Variants in CPNE4 observed in about 807,000 individuals in gnomAD.
CPNE4 encodes copine-4.
A neutral mutation model predicts 67.9 loss-of-function variants in CPNE4; 25 were observed. The ratio of observed to expected loss-of-function variants is 0.37; its 90% CI spans 0.27 to 0.51. CPNE4 has a LOEUF of 0.51. Ranked by LOEUF, CPNE4 falls within the 20% of genes least tolerant of loss-of-function variation. CPNE4 has a pLI of 0.93. For synonymous variants in CPNE4, 242 were observed against 244.9 expected (o/e 0.99, Z 0.11); for missense variants, 464 against 690.8 (o/e 0.67, Z 3.68).
chr3:131,844,622 T>C (rs796099661), intron 2 of CPNE4, among the ~76,000 whole-genome samples: 28 of 152,318 alleles, frequency 1.8e-4, no homozygotes, highest in African/African-American at 6.7e-4. Context: ...CACCAGACTG[T>C]GAGCTCCTTG....
intron 2 of CPNE4, among the ~76,000 whole-genome samples, chr3:131,739,030 T>G (rs1400113384): frequency 1.3e-5 from 2 of 152,034 alleles, no homozygotes; most frequent in Admixed American, 1.3e-4. Context: ...AATTTTTGTA[T>G]TTTTAGTAGA....
At chr3:131,672,688 T>C (rs1453236172) in intron 6 of CPNE4, among the ~76,000 whole-genome samples, 1 of 151,722 alleles carries the variant, frequency 6.6e-6, no homozygotes, top group Admixed American at 6.6e-5. Flanking sequence ...AATTATTAGA[T>C]TTTTTTTCTC....
At chr3:131,937,531 T>G (rs2071259162) in intron 1 of CPNE4, among the ~76,000 whole-genome samples, 1 of 152,168 alleles carries the variant, frequency 6.6e-6, no homozygotes, top group South Asian at 2.1e-4. Context: ...AGGACAATTA[T>G]GAGATGACTG....
At chr3:131,754,173 T>C (rs2082698487) in intron 2 of CPNE4, among the ~76,000 whole-genome samples, 1 of 152,060 alleles carries the variant, frequency 6.6e-6, no homozygotes, top group Non-Finnish European at 1.5e-5. Context: ...AAAAGCAAGG[T>C]ATAAGAAATG....
At chr3:131,736,980 TAA>T in intron 2 of CPNE4, among the ~76,000 whole-genome samples, 1 of 152,180 alleles carries the variant, frequency 6.6e-6, no homozygotes, top group Non-Finnish European at 1.5e-5. Flanking sequence ...GAAATTACCC[TAA>T]GACTGTCACA....
intron 1 of CPNE4, among the ~76,000 whole-genome samples, chr3:132,022,231 G>A (rs1462558834): frequency 6.6e-6 from 1 of 152,198 alleles, no homozygotes; most frequent in African/African-American, 2.4e-5. Context: ...TATCTTCCCT[G>A]TTTGTGCCTG....
intron 3 of CPNE4, among the ~76,000 whole-genome samples, chr3:131,710,227 A>T (rs993374582): frequency 6.6e-5 from 10 of 152,212 alleles, no homozygotes; most frequent in African/African-American, 2.4e-4. Flanking sequence ...TTTTCAGATT[A>T]TTGTTACCCT....
At chr3:131,726,441 C>T (rs921548157) in intron 2 of CPNE4, among the ~76,000 whole-genome samples, 5 of 152,062 alleles carry the variant, frequency 3.3e-5, no homozygotes, top group Non-Finnish European at 7.4e-5. Flanking sequence ...CAGAAAGCCA[C>T]TAAGAATCCT....
At chr3:131,888,209 G>T (rs2087970182) in intron 2 of CPNE4, among the ~76,000 whole-genome samples, 1 of 152,068 alleles carries the variant, frequency 6.6e-6, no homozygotes, top group Non-Finnish European at 1.5e-5. Flanking sequence ...AGTAGTAATT[G>T]GAAGAAACTA....
intron 1 of CPNE4, among the ~76,000 whole-genome samples, chr3:131,970,129 T>G (rs756717151): frequency 6.6e-6 from 1 of 152,212 alleles, no homozygotes; most frequent in Admixed American, 6.5e-5. Context: ...AGTCATCTGT[T>G]TCACTTTGAG....
chr3:131,536,477 G>C (rs1256249107), intron 15 of CPNE4, among the ~76,000 whole-genome samples: 3 of 152,222 alleles, frequency 2.0e-5, no homozygotes, highest in Non-Finnish European at 4.4e-5. Context: ...ACAAGTGTTT[G>C]AGATTCCAAA....
intron 4 of CPNE4, 67 bp from the exon 5 acceptor site, chr3:131,696,683 A>C (rs935254762): frequency 2.8e-6 from 4 of 1,427,462 alleles, no homozygotes; most frequent in Admixed American, 1.7e-5. Context: ...CCCATGAGCA[A>C]ATTTAGTTCC....
chr3:131,586,341 G>A (rs936637924), intron 8 of CPNE4, among the ~76,000 whole-genome samples: 1 of 152,122 alleles, frequency 6.6e-6, no homozygotes, highest in African/African-American at 2.4e-5. Flanking sequence ...ATACCAGGAA[G>A]CATGAATAGA....
intron 2 of CPNE4, among the ~76,000 whole-genome samples, chr3:131,800,888 G>T (rs66873760): frequency 0.018 from 2,754 of 152,204 alleles, 76 homozygotes; most frequent in East Asian, 0.097. Flanking sequence ...CTTCAGTGTG[G>T]GTGAAAAGAA....
chr3:132,011,078 G>A (rs747137720), intron 1 of CPNE4, among the ~76,000 whole-genome samples: 1 of 152,158 alleles, frequency 6.6e-6, no homozygotes, highest in African/African-American at 2.4e-5. Flanking sequence ...GCTCAGAAAC[G>A]GGAAGGGATA....
At chr3:131,667,271 TTAAAA>T (rs140626731) in intron 7 of CPNE4, among the ~76,000 whole-genome samples, 4,534 of 152,272 alleles carry the variant, frequency 0.03, 87 homozygotes, top group Non-Finnish European at 0.045. Context: ...TTGAAAGAAA[TTAAAA>T]CATTTTCATA....
intron 2 of CPNE4, among the ~76,000 whole-genome samples, chr3:131,852,920 A>G (rs1315890369): frequency 4.0e-5 from 6 of 151,716 alleles, no homozygotes; most frequent in Non-Finnish European, 7.4e-5. Context: ...TGTACAAACT[A>G]TATGGTGAAA....
At chr3:131,596,621 CAAA>C (rs58456346) in intron 7 of CPNE4, among the ~76,000 whole-genome samples, 440 of 32,874 alleles carry the variant, frequency 0.013, 1 homozygote, top group African/African-American at 0.038. Flanking sequence ...GACTCCGTCT[CAAA>C]AAAAAAAAAA....
chr3:131,876,240 AAATAAATAAATAAAT>A (rs573821230), intron 2 of CPNE4, among the ~76,000 whole-genome samples: 452 of 24,528 alleles, frequency 0.018, 13 homozygotes, highest in East Asian at 0.13. Context: ...CTCGGTCTCA[AAATAAATAAATAAAT>A]AAATAAATAA....
Sources: allele counts gnomAD v4.1 joint callset (sites outside exome capture counted in the v4.1 genomes callset), GRCh38; gene constraint gnomAD v4.1.1; transcripts MANE v1.5; gene names NCBI Gene and HGNC (gene_info 2026-07-23, HGNC 2026-07-21).